BAZ1B: variants seen among roughly 807,000 people sequenced by gnomAD.
BAZ1B encodes tyrosine-protein kinase BAZ1B.
A neutral mutation model predicts 153.8 loss-of-function variants in BAZ1B; 22 were observed. The observed-to-expected ratio is 0.14, with a 90% CI of 0.10 to 0.20. The LOEUF (loss-of-function observed/expected upper bound fraction) is 0.20. BAZ1B is among the 10% of genes least tolerant of loss of function. The pLI, the probability that BAZ1B is intolerant of heterozygous loss-of-function variation, is 1.00. For synonymous variants in BAZ1B, 676 were observed against 633.4 expected, an observed-to-expected ratio of 1.07 and a Z score of -1.01; for missense variants, 1,325 against 1,799.3, an observed-to-expected ratio of 0.74 and a Z score of 4.77.
At chr7:73,472,922 C>T (rs1158019639) in intron 7 of BAZ1B, among the ~76,000 whole-genome samples, 2 of 149,574 alleles carry the variant, frequency 1.3e-5, no homozygotes, top group African/African-American at 2.4e-5. Flanking sequence ...GAATTACAGG[C>T]ACCACCACAC....
At chr7:73,451,048 A>G (rs1419691807) in intron 13 of BAZ1B, 54 bp from the exon 14 acceptor site, 1 of 1,594,318 alleles carries the variant, frequency 6.3e-7, no homozygotes, top group Non-Finnish European at 8.6e-7. Flanking sequence ...AGACACTGAG[A>G]GAGAACTAGG....
At chr7:73,473,112 T>C (rs1788875502) in intron 7 of BAZ1B, among the ~76,000 whole-genome samples, 1 of 152,130 alleles carries the variant, frequency 6.6e-6, no homozygotes, top group Non-Finnish European at 1.5e-5. Flanking sequence ...AGGCTAATTT[T>C]TGTATTTTTA....
chr7:73,458,977 G>A (rs1234927626), intron 13 of BAZ1B, among the ~76,000 whole-genome samples: 1 of 152,112 alleles, frequency 6.6e-6, no homozygotes, highest in Non-Finnish European at 1.5e-5. Context: ...GACCAGGAGT[G>A]GTGGCTCACG....
rs1212216906 is a variant in BAZ1B at position 73,508,197 on chromosome 7, T to C, written c.369+130A>G. ...AAAACACACAAGTATTAACGTAAAGTATTAATACTTAACATTAAATATAAT... is the reference window on the plus strand; with the variant it reads ...AAAACACACAAGTATTAACGTAAAGCATTAATACTTAACATTAAATATAAT... On this transcript the variant is annotated intron_variant, in intron 3 of 19. Coordinates refer to ENST00000339594, the MANE Select transcript of BAZ1B (RefSeq NM_032408.4). The C allele has an allele frequency of 2.0e-6, 2 of 1,019,652 alleles. 1 individual carries two copies. The highest frequency in any genetic ancestry group is 3.3e-5 in the African/African-American group (2 of 61,148). 63.2% of individuals were successfully genotyped at this position (1,019,652 alleles called of 1,614,324 possible). A position where few individuals can be genotyped will look rare whatever the true frequency, so the allele number is the denominator to read the frequency against.
intron 1 of BAZ1B, among the ~76,000 whole-genome samples, chr7:73,518,431 T>TAAATAA (rs1240860204): frequency 5.2e-4 from 78 of 149,650 alleles, no homozygotes; most frequent in Middle Eastern, 3.5e-3. Flanking sequence ...AATAAATAAA[T>TAAATAA]AAATAAAAAT....
At chr7:73,511,077 G>A (rs1203247217) in intron 1 of BAZ1B, among the ~76,000 whole-genome samples, 1 of 152,028 alleles carries the variant, frequency 6.6e-6, no homozygotes, top group Non-Finnish European at 1.5e-5. Context: ...GACCAGCCTG[G>A]CTAACACGGT....
At chr7:73,471,907 C>CCAATTACAAT (rs1252541299) in intron 7 of BAZ1B, among the ~76,000 whole-genome samples, 1 of 150,882 alleles carries the variant, frequency 6.6e-6, no homozygotes, top group East Asian at 1.9e-4. Context: ...GAGTGATGGC[C>CCAATTACAAT]CAATTACAAT....
At chr7:73,444,893 A>G (rs574254038) in intron 16 of BAZ1B, among the ~76,000 whole-genome samples, 5 of 152,268 alleles carry the variant, frequency 3.3e-5, no homozygotes, top group African/African-American at 1.2e-4. Context: ...ACATGCTGGT[A>G]ATCCCAGCTA....
rs183157773 is a variant in BAZ1B at position 73,454,710 on chromosome 7, T to C, written c.3433-3716A>G. ...ACATTCTTCAAAACCCATCCTCTCT[T>C]CCCTCTGGTAAGTTTTCTCTAGTGT... On this transcript the variant is annotated intron_variant, in intron 13 of 19. Coordinates refer to ENST00000339594, the MANE Select transcript of BAZ1B (RefSeq NM_032408.4). Among the ~76,000 whole-genome samples the C allele has an allele frequency of 2.9e-3, 437 of 152,286 alleles. 1 individual carries two copies. The highest frequency in any genetic ancestry group is 9.9e-3 in the African/African-American group (411 of 41,556).
rs570150288 is a variant in BAZ1B at position 73,470,923 on chromosome 7, C to T, written c.2594-440G>A. 1.2e-4 allele frequency among the ~76,000 whole-genome samples: 19 copies of T among 152,224 alleles called. No homozygotes were observed. In the South Asian group the frequency reaches 2.7e-3, roughly 22 times the overall value. The stretch of plus-strand genomic sequence containing the variant: ...CTAATTTTTACATTTTTAGTAGAGA[C>T]GGGGTTTCCCCATGTTGTCCAGGCT... On this transcript the variant is annotated intron_variant, in intron 7 of 19. Transcript: ENST00000339594.
chr7:73,512,047 A>G (rs1790605915), intron 1 of BAZ1B, among the ~76,000 whole-genome samples: 1 of 150,128 alleles, frequency 6.7e-6, no homozygotes, highest in African/African-American at 2.4e-5. Context: ...AAAAAAAAAA[A>G]AAAAAAAAAA....
intron 13 of BAZ1B, among the ~76,000 whole-genome samples, 191 bp from the exon 14 acceptor site, chr7:73,451,185 AGTGGAGTGG>A (rs769798127): frequency 1.1e-4 from 17 of 152,358 alleles, no homozygotes; most frequent in Non-Finnish European, 1.3e-4. Context: ...ACAGAGATGC[AGTGGAGTGG>A]GTGGATGACT....
intron 13 of BAZ1B, among the ~76,000 whole-genome samples, chr7:73,451,454 G>A (rs1563364839): frequency 6.6e-6 from 1 of 152,178 alleles, no homozygotes; most frequent in Non-Finnish European, 1.5e-5. Context: ...CAGTTATCCT[G>A]GAAGGTCATG....
intron 7 of BAZ1B, among the ~76,000 whole-genome samples, chr7:73,472,800 A>C (rs2116322587): frequency 6.6e-6 from 1 of 151,548 alleles, no homozygotes; most frequent in Admixed American, 6.6e-5. Flanking sequence ...CTCTATCATC[A>C]GGCTGGAGTG....
chr7:73,522,040 G>A lies in BAZ1B; in HGVS notation c.-107C>T, dbSNP rs1464568194. 7 of 587,646 alleles carry A rather than the reference G, an allele frequency of 1.2e-5. No individual in the cohort carries two copies. The highest frequency in any genetic ancestry group is 3.9e-5 in the African/African-American group (2 of 51,438). 36.4% of individuals were successfully genotyped at this position (587,646 alleles called of 1,614,324 possible). Reference sequence around the variant, plus strand: ...CCAGGCGCCCGGGGGTGGGGTGGGGGAAGGGAGGGGTGAGAGGGCGGCGCG... The same window carrying A: ...CCAGGCGCCCGGGGGTGGGGTGGGGAAAGGGAGGGGTGAGAGGGCGGCGCG... On this transcript the variant is annotated 5_prime_UTR_variant, in exon 1 of 20. Transcript: ENST00000339594.
chr7:73,499,720 G>A (rs56271170), intron 3 of BAZ1B, among the ~76,000 whole-genome samples: 196 of 152,284 alleles, frequency 1.3e-3, no homozygotes, highest in East Asian at 3.7e-3. Flanking sequence ...AGAGGGCTGC[G>A]AACCACTGCT....
intron 10 of BAZ1B, 30 bp from the exon 11 acceptor site, chr7:73,465,567 T>G: frequency 7.4e-7 from 1 of 1,358,176 alleles, no homozygotes; most frequent in Non-Finnish European, 1.0e-6. Context: ...CTGATAACTC[T>G]GAAAAAAAAA....
intron 4 of BAZ1B, among the ~76,000 whole-genome samples, chr7:73,493,219 G>A (rs1359422426): frequency 2.0e-5 from 3 of 152,192 alleles, no homozygotes; most frequent in Non-Finnish European, 4.4e-5. Context: ...CCAGCACTTT[G>A]GGAGGCTGAG....
rs1008750804 is a variant in BAZ1B, at chr7:73,498,829, T to C, written c.370-131A>G. On this transcript the variant is annotated intron_variant, in intron 3 of 19. Coordinates refer to ENST00000339594, the MANE Select transcript of BAZ1B (RefSeq NM_032408.4). Reference sequence around the variant, plus strand: ...TGATTGAAACAGTAAAGTATCCAAGTACAATGAAGTGTTTTCAACTTTTTT... The same window carrying C: ...TGATTGAAACAGTAAAGTATCCAAGCACAATGAAGTGTTTTCAACTTTTTT... 7.8e-6 allele frequency: 6 copies of C among 773,442 alleles called. No individual in the cohort carries two copies. In the East Asian group the frequency reaches 1.6e-4, roughly 21 times the overall value. 47.9% of individuals were successfully genotyped at this position (773,442 alleles called of 1,614,324 possible). A position where few individuals can be genotyped will look rare whatever the true frequency, so the allele number is the denominator to read the frequency against.
Sources: allele counts gnomAD v4.1 joint callset (sites outside exome capture counted in the v4.1 genomes callset), GRCh38; gene constraint gnomAD v4.1.1; transcripts MANE v1.5; gene names NCBI Gene and HGNC (gene_info 2026-07-23, HGNC 2026-07-21).